KIAA1671: variants seen among roughly 807,000 people sequenced by gnomAD.
KIAA1671 encodes the protein KIAA1671.
In KIAA1671, 52 loss-of-function variants were observed where a neutral mutation model predicts 131.2. That is an observed-to-expected ratio of 0.40 (90% CI 0.32 to 0.50). The LOEUF is 0.50. KIAA1671 is among the 20% of genes least tolerant of loss of function. The pLI is 0.73. For missense variants in KIAA1671, 2,360 were observed against 2,364.2 expected, an observed-to-expected ratio of 1.00 and a Z score of 0.04; for synonymous variants, 1,003 against 961.6, an observed-to-expected ratio of 1.04 and a Z score of -0.80.
intron 6 of KIAA1671, among the ~76,000 whole-genome samples, chr22:25,133,253 G>C (rs1027387361): frequency 6.6e-6 from 1 of 152,146 alleles, no homozygotes; most frequent in Admixed American, 6.5e-5. Flanking sequence ...TCACTGACTT[G>C]ATTGGGGAAA....
chr22:25,111,128 C>G (rs1161265884), intron 6 of KIAA1671: 1 of 152,310 alleles, frequency 6.6e-6, no homozygotes, highest in African/African-American at 2.4e-5. Context: ...GACTGACAGC[C>G]GACCAGAGGT....
chr22:25,016,789 C>T lies in KIAA1671; in HGVS notation c.-207-8844C>T, dbSNP rs1925347171. Among the ~76,000 whole-genome samples, 4 of 152,132 alleles carry T rather than the reference C, an allele frequency of 2.6e-5. No homozygotes were observed. The South Asian group carries it at 8.3e-4, about 32-fold the overall frequency. ...GTGATGGTTGTGATGCACTTTAGGC[C>T]AGCCCCAGAATTGGGGCTTCACCTG... On this transcript the variant is annotated intron_variant, in intron 1 of 12. Coordinates refer to ENST00000358431, the MANE Select transcript of KIAA1671 (RefSeq NM_001145206.2).
intron 1 of KIAA1671, among the ~76,000 whole-genome samples, chr22:24,980,750 ATTT>A (rs879290838): frequency 1.4e-5 from 2 of 147,440 alleles, no homozygotes; most frequent in African/African-American, 4.9e-5. Flanking sequence ...TGTTATTATT[ATTT>A]TTTTTTTTTT....
At chr22:25,015,506 G>A (rs1167506232) in intron 1 of KIAA1671, among the ~76,000 whole-genome samples, 3 of 152,194 alleles carry the variant, frequency 2.0e-5, no homozygotes, top group Admixed American at 1.3e-4. Context: ...AGGTTAAGCA[G>A]AGGGGTAAAG....
At chr22:25,106,418 CGT>C (rs1223663775) in intron 6 of KIAA1671, among the ~76,000 whole-genome samples, 1 of 152,130 alleles carries the variant, frequency 6.6e-6, no homozygotes, top group African/African-American at 2.4e-5. Flanking sequence ...CAGCAGCTGA[CGT>C]GTGTGTGTGC....
chr22:24,975,119 C>T (rs989963587), intron 1 of KIAA1671, among the ~76,000 whole-genome samples: 1 of 152,182 alleles, frequency 6.6e-6, no homozygotes, highest in Non-Finnish European at 1.5e-5. Context: ...ACCCCATACC[C>T]ATTAGTGGTG....
At chr22:24,965,414 TA>T (rs949007852) in intron 1 of KIAA1671, among the ~76,000 whole-genome samples, 56 of 137,728 alleles carry the variant, frequency 4.1e-4, no homozygotes, top group East Asian at 4.2e-4. Context: ...AAACTCCGTT[TA>T]AAAAAAAAAA....
At chr22:24,973,408 T>G (rs967471794) in intron 1 of KIAA1671, among the ~76,000 whole-genome samples, 3 of 142,920 alleles carry the variant, frequency 2.1e-5, no homozygotes, top group East Asian at 4.0e-4. Flanking sequence ...TTTTTTTTTT[T>G]TTTTTTTTGA....
chr22:24,967,964 G>T (rs557279348), intron 1 of KIAA1671, among the ~76,000 whole-genome samples: 4 of 152,260 alleles, frequency 2.6e-5, no homozygotes, highest in Admixed American at 2.6e-4. Context: ...CTGCACTCCA[G>T]CCTGGGCGAC....
chr22:24,959,090 G>T (rs1307122796), intron 1 of KIAA1671, among the ~76,000 whole-genome samples: 2 of 151,976 alleles, frequency 1.3e-5, no homozygotes, highest in African/African-American at 2.4e-5. Flanking sequence ...TTGAGCTCAG[G>T]AGTTCGATGC....
chr22:25,154,398 C>CT (rs1933155372), intron 6 of KIAA1671, among the ~76,000 whole-genome samples: 2 of 152,358 alleles, frequency 1.3e-5, no homozygotes, highest in South Asian at 4.1e-4. Flanking sequence ...CAGACAGGAA[C>CT]CACTGCAGGA....
chr22:25,029,972 C>G (rs995922172), intron 3 of KIAA1671, among the ~76,000 whole-genome samples: 3 of 151,986 alleles, frequency 2.0e-5, no homozygotes, highest in African/African-American at 7.2e-5. Flanking sequence ...TATGAGTGGC[C>G]CAAAAAATAA....
Position 25,159,772 on chromosome 22 carries a change from C to T in KIAA1671, c.4531-11048C>T, listed in dbSNP as rs895563243. Among the ~76,000 whole-genome samples the T allele has an allele frequency of 7.9e-5, 12 of 152,214 alleles. No homozygotes were observed. In the South Asian group the frequency reaches 1.2e-3, roughly 16 times the overall value. The stretch of plus-strand genomic sequence containing the variant: ...GCTCTGGTCTGCTCGGTCATAGAGC[C>T]CTAGCTCAGAACTGCTAACCTGTCC... On this transcript the variant is annotated intron_variant, in intron 6 of 12. Coordinates refer to ENST00000358431, the MANE Select transcript of KIAA1671 (RefSeq NM_001145206.2).
At chr22:25,167,853 A>G (rs749192934) in intron 6 of KIAA1671, among the ~76,000 whole-genome samples, 3 of 152,212 alleles carry the variant, frequency 2.0e-5, no homozygotes, top group Non-Finnish European at 4.4e-5. Flanking sequence ...GAGAAAGAGA[A>G]TGGAAAGGAG....
At chr22:25,138,698 T>A (rs978472460) in intron 6 of KIAA1671, among the ~76,000 whole-genome samples, 1 of 152,192 alleles carries the variant, frequency 6.6e-6, no homozygotes, top group Non-Finnish European at 1.5e-5. Flanking sequence ...ACCTGTGATG[T>A]GAAAAACAAA....
chr22:25,153,335 C>T (rs543001876), intron 6 of KIAA1671, among the ~76,000 whole-genome samples: 87 of 152,260 alleles, frequency 5.7e-4, no homozygotes, highest in Non-Finnish European at 9.3e-4. Flanking sequence ...TTGGCCTTGT[C>T]TGGAGACATT....
At chr22:25,058,462 C>T (rs1232401459) in intron 6 of KIAA1671, 4 of 152,116 alleles carry the variant, frequency 2.6e-5, no homozygotes, top group Admixed American at 6.5e-5. Context: ...GCCTGGCAAT[C>T]TTGAATAGTC....
intron 6 of KIAA1671, among the ~76,000 whole-genome samples, chr22:25,103,539 T>C (rs955240349): frequency 1.3e-5 from 2 of 152,060 alleles, no homozygotes; most frequent in Non-Finnish European, 2.9e-5. Flanking sequence ...TTTGTATTTT[T>C]AGTACAGACG....
At chr22:25,044,193 TG>T (rs1167354070) in intron 5 of KIAA1671, among the ~76,000 whole-genome samples, 1 of 152,236 alleles carries the variant, frequency 6.6e-6, no homozygotes, top group Non-Finnish European at 1.5e-5. Flanking sequence ...AGCAGCCTCT[TG>T]GCCTCTCCTG....
Sources: gnomAD v4.1 joint callset for allele counts (sites outside exome capture counted in the v4.1 genomes callset) on GRCh38, gnomAD v4.1.1 for gene constraint, MANE v1.5 for transcripts, NCBI Gene and HGNC (gene_info 2026-07-23, HGNC 2026-07-21) for gene names.